EPHA6: variants seen among roughly 807,000 people sequenced by gnomAD.
EPHA6 encodes the protein ephrin type-A receptor 6.
EPHA6 carries 50 observed loss-of-function variants against 112.0 expected under a neutral mutation model. The observed-to-expected ratio is 0.45, with a 90% CI of 0.36 to 0.56. The LOEUF (loss-of-function observed/expected upper bound fraction) is 0.56, where lower values mean the gene tolerates loss of function less well. EPHA6 is among the 20% of genes least tolerant of loss of function. The probability of loss-of-function intolerance (pLI) is 0.00; values close to 1 mark genes in which losing one functional copy is unlikely to be tolerated. For synonymous variants in EPHA6, 529 were observed against 490.7 expected, an observed-to-expected ratio of 1.08 and a Z score of -1.03; for missense variants, 1,280 against 1,417.4, an observed-to-expected ratio of 0.90 and a Z score of 1.56.
At chr3:97,710,102 T>C (rs967684207) in intron 14 of EPHA6, among the ~76,000 whole-genome samples, 2 of 152,348 alleles carry the variant, frequency 1.3e-5, no homozygotes, top group South Asian at 4.1e-4. Flanking sequence ...TATTTCCAGC[T>C]CTAGGTACTT....
chr3:97,011,545 A>G (rs1206820831), intron 3 of EPHA6, among the ~76,000 whole-genome samples: 1 of 152,232 alleles, frequency 6.6e-6, no homozygotes, highest in Non-Finnish European at 1.5e-5. Flanking sequence ...GACATTTCTC[A>G]AGGACTCTTT....
At chr3:96,983,636 C>G (rs565396833) in intron 2 of EPHA6, among the ~76,000 whole-genome samples, 3 of 152,130 alleles carry the variant, frequency 2.0e-5, no homozygotes, top group African/African-American at 7.2e-5. Context: ...TGGATAATGT[C>G]CTGCAGAGTG....
chr3:97,404,619 G>T (rs1156712249), intron 5 of EPHA6, among the ~76,000 whole-genome samples: 1 of 152,004 alleles, frequency 6.6e-6, no homozygotes, highest in African/African-American at 2.4e-5. Flanking sequence ...TTTTAACTTT[G>T]TTTAATGTCA....
chr3:97,445,796 A>C (rs1048882847), intron 6 of EPHA6, among the ~76,000 whole-genome samples: 1 of 151,984 alleles, frequency 6.6e-6, no homozygotes, highest in African/African-American at 2.4e-5. Flanking sequence ...AAATAATATT[A>C]AGAATGAGAA....
intron 5 of EPHA6, among the ~76,000 whole-genome samples, chr3:97,351,681 AATTGAAGTTGCT>A (rs913180232): frequency 1.3e-5 from 2 of 152,174 alleles, no homozygotes; most frequent in African/African-American, 4.8e-5. Flanking sequence ...AACTTGAGGT[AATTGAAGTTGCT>A]ATCTAGGATT....
intron 11 of EPHA6, among the ~76,000 whole-genome samples, chr3:97,548,085 G>A (rs566565803): frequency 1.3e-5 from 2 of 152,176 alleles, no homozygotes; most frequent in South Asian, 2.1e-4. Context: ...TGCACCTACT[G>A]TCTGGCACTC....
chr3:97,451,965 A>G (rs988426727), intron 7 of EPHA6, among the ~76,000 whole-genome samples: 1 of 151,912 alleles, frequency 6.6e-6, no homozygotes, highest in Non-Finnish European at 1.5e-5. Flanking sequence ...TTTTTAAAGT[A>G]AGCAAAATTA....
intron 7 of EPHA6, among the ~76,000 whole-genome samples, chr3:97,452,102 G>A (rs2090548219): frequency 6.6e-6 from 1 of 151,788 alleles, no homozygotes; most frequent in South Asian, 2.1e-4. Flanking sequence ...GTTCTTGACT[G>A]GCTACTTGTG....
chr3:97,641,029 G>C (rs972154738), intron 14 of EPHA6, among the ~76,000 whole-genome samples: 1 of 152,118 alleles, frequency 6.6e-6, no homozygotes, highest in Non-Finnish European at 1.5e-5. Context: ...GGAAGAAGGA[G>C]GATTTAAAGA....
chr3:97,677,025 G>A (rs2031450850), intron 14 of EPHA6, among the ~76,000 whole-genome samples: 1 of 152,092 alleles, frequency 6.6e-6, no homozygotes, highest in African/African-American at 2.4e-5. Flanking sequence ...GAGCAACTGA[G>A]GAACTGATTT....
intron 3 of EPHA6, among the ~76,000 whole-genome samples, chr3:97,119,179 A>G (rs895749290): frequency 6.6e-6 from 1 of 152,026 alleles, no homozygotes; most frequent in Non-Finnish European, 1.5e-5. Flanking sequence ...GTGACAAAAC[A>G]CTGAAACAAA....
At chr3:97,154,564 G>A (rs1226303290) in intron 3 of EPHA6, among the ~76,000 whole-genome samples, 1 of 152,090 alleles carries the variant, frequency 6.6e-6, no homozygotes, top group Non-Finnish European at 1.5e-5. Context: ...TGCTGTGCAA[G>A]AGATCTCAAA....
intron 2 of EPHA6, among the ~76,000 whole-genome samples, chr3:96,903,975 C>G (rs548006650): frequency 6.6e-6 from 1 of 152,010 alleles, no homozygotes; most frequent in Non-Finnish European, 1.5e-5. Context: ...TGGAGAGGAC[C>G]TGGAGAAATA....
chr3:97,480,581 G>A (rs535789491), intron 9 of EPHA6, among the ~76,000 whole-genome samples: 1 of 152,206 alleles, frequency 6.6e-6, no homozygotes, highest in Non-Finnish European at 1.5e-5. Context: ...TCCCAAGGCA[G>A]AAGAATTTTT....
intron 7 of EPHA6, among the ~76,000 whole-genome samples, chr3:97,462,813 A>C (rs1276648130): frequency 2.0e-5 from 3 of 152,152 alleles, no homozygotes; most frequent in African/African-American, 4.8e-5. Flanking sequence ...TTCTTTTCTA[A>C]CTTATTCCAA....
At position 96,987,723 on chromosome 3, in the gene EPHA6, T is replaced by C. The variant is rs1484928485; in HGVS notation, c.844T>C (p.Phe282Leu). The change falls in exon 3 of 18, where the codon TTT becomes CTT. Residue 282 changes from phenylalanine to leucine, a missense_variant. Physicochemically the swap from Phe to Leu is conservative, Grantham distance 22. Transcript: ENST00000389672. ...AGAAAGGAAAGGATTTTATCTGGCT[T>C]TTCAAGACATTGGGGCGTGCATTGC... ...PIERKGFYLA[F>L]QDIGACIALV... The C allele has an allele frequency of 6.2e-7, 1 of 1,609,764 alleles. No homozygotes were observed. The highest frequency in any genetic ancestry group is 2.2e-5 in the East Asian group (1 of 44,802).
chr3:97,019,566 ACTTT>A (rs2044380928), intron 3 of EPHA6, among the ~76,000 whole-genome samples: 1 of 152,074 alleles, frequency 6.6e-6, no homozygotes, highest in African/African-American at 2.4e-5. Context: ...TAGCCTGGAC[ACTTT>A]CTTTATGCAT....
rs114668097 is a variant in EPHA6, at chr3:97,528,080, A to T, written c.2201-4278A>T. 7.8e-3 allele frequency among the ~76,000 whole-genome samples: 1,186 copies of T among 152,244 alleles called. 7 individuals carry two copies. Among genetic ancestry groups the T allele is most frequent in the African/African-American group, 0.025 (1,044 of 41,546 alleles). On this transcript the variant is annotated intron_variant, in intron 10 of 17. Transcript: ENST00000389672. The stretch of plus-strand genomic sequence containing the variant: ...TAAAGCTATAATTGGTTTCTTAAAA[A>T]TTGCACTCATTTTAGACAAGAGACA...
At chr3:97,526,082 T>C (rs1277374045) in intron 10 of EPHA6, among the ~76,000 whole-genome samples, 1 of 152,140 alleles carries the variant, frequency 6.6e-6, no homozygotes, top group East Asian at 1.9e-4. Context: ...AATAGGTATG[T>C]GTACAGTGGT....
Sources: allele counts gnomAD v4.1 joint callset (sites outside exome capture counted in the v4.1 genomes callset), GRCh38; gene constraint gnomAD v4.1.1; transcripts MANE v1.5; gene names NCBI Gene and HGNC (gene_info 2026-07-23, HGNC 2026-07-21).